FILIP1L: variants seen among roughly 807,000 people sequenced by gnomAD.
The protein encoded by FILIP1L is filamin A-interacting protein 1-like.
In FILIP1L, 55 loss-of-function variants were observed where a neutral mutation model predicts 96.6. The observed-to-expected ratio is 0.57, with a 90% CI of 0.46 to 0.71. FILIP1L has a LOEUF of 0.71. FILIP1L is among the 30% of genes least tolerant of loss of function. The pLI is 0.00. For synonymous variants in FILIP1L, 467 were observed against 473.9 expected (o/e 0.99, Z 0.19); for missense variants, 1,304 against 1,321.2 (o/e 0.99, Z 0.20).
chr3:99,831,024 A>G (rs1942653250), intron 5 of FILIP1L, among the ~76,000 whole-genome samples: 1 of 152,166 alleles, frequency 6.6e-6, no homozygotes, highest in South Asian at 2.1e-4. Flanking sequence ...TTTTCACAGT[A>G]TGAGTGAGAT....
chr3:100,015,157 T>C (rs2130370), intron 1 of FILIP1L, among the ~76,000 whole-genome samples: 145,649 of 151,988 alleles, frequency 0.96, 69,832 homozygotes, highest in East Asian at 1. Context: ...GCTGTCCTTT[T>C]CCTATTTTGC....
At position 100,074,675 on chromosome 3, in the gene FILIP1L, A is replaced by ATTTTTTTTTTTTTTTTTT. The variant is rs555819875; in HGVS notation, c.-11+39360_-11+39377dup. 5.1e-3 allele frequency among the ~76,000 whole-genome samples: 177 copies of ATTTTTTTTTTTTTTTTTT among 34,802 alleles called. 67 individuals carry two copies. Among genetic ancestry groups the ATTTTTTTTTTTTTTTTTT allele is most frequent in the East Asian group, 0.013 (12 of 942 alleles). The allele number at this position is 34,802 out of a possible 152,430, so 22.8% of individuals were successfully genotyped here. On this transcript the variant is annotated intron_variant, in intron 1 of 5. Transcript: ENST00000477258. The stretch of plus-strand genomic sequence containing the variant: ...ATTTTCTATGCATGTGCAACATTTG[A>ATTTTTTTTTTTTTTTTTT]TTTTTTTTTTTTTTTTTTTTTTTTT...
chr3:99,899,533 TG>T (rs1011721644), intron 4 of FILIP1L, among the ~76,000 whole-genome samples: 3 of 152,230 alleles, frequency 2.0e-5, no homozygotes, highest in African/African-American at 7.2e-5. Flanking sequence ...GAGATCTAAA[TG>T]GTAGCTGTTG....
chr3:99,948,430 C>A (rs1250421380), intron 1 of FILIP1L, among the ~76,000 whole-genome samples: 1 of 150,402 alleles, frequency 6.6e-6, no homozygotes, highest in Non-Finnish European at 1.5e-5. Flanking sequence ...CCCATCTACT[C>A]GTGAGGCTGA....
At chr3:100,112,056 T>C (rs1426262683) in intron 1 of FILIP1L, among the ~76,000 whole-genome samples, 11 of 152,278 alleles carry the variant, frequency 7.2e-5, no homozygotes, top group Non-Finnish European at 1.5e-5. Flanking sequence ...CATTCTAAAA[T>C]AGTTGATGAA....
chr3:99,880,191 C>G (rs986365560), intron 4 of FILIP1L, among the ~76,000 whole-genome samples: 4 of 152,158 alleles, frequency 2.6e-5, no homozygotes, highest in African/African-American at 9.7e-5. Flanking sequence ...TCTCCATGCC[C>G]TAGACAATCA....
chr3:99,921,287 C>T (rs1707116166), intron 4 of FILIP1L, among the ~76,000 whole-genome samples: 1 of 152,126 alleles, frequency 6.6e-6, no homozygotes, highest in Non-Finnish European at 1.5e-5. Context: ...CGTTTATTTA[C>T]CTGAAGTCAT....
Position 99,850,985 on chromosome 3 carries a change from C to T in FILIP1L, c.691G>A (p.Glu231Lys), listed in dbSNP as rs914407108. Reference protein sequence around the residue: ...KEKRVTTLKEELTKLKSFALM... With the variant: ...KEKRVTTLKEKLTKLKSFALM... ...GCAAAAGACTTCAGCTTGGTCAGCT[C>T]CTCTTTCAGGGTGGTGACCCTTTTC... Residue 231 changes from glutamate (E) to lysine (K), a missense_variant, in exon 5 of 6, where the codon GAG becomes AAG. Transcript: ENST00000477258. 3 of 1,614,112 alleles carry T rather than the reference C, an allele frequency of 1.9e-6. No individual in the cohort carries two copies. The highest frequency in any genetic ancestry group is 3.3e-5 in the Admixed American group (2 of 60,030).
intron 5 of FILIP1L, among the ~76,000 whole-genome samples, chr3:99,843,135 A>G (rs1163159804): frequency 2.0e-5 from 3 of 152,226 alleles, no homozygotes; most frequent in African/African-American, 7.2e-5. Context: ...TCACTGTGCC[A>G]TAAGTTGAAT....
At chr3:99,857,459 T>A (rs1944020812) in intron 4 of FILIP1L, among the ~76,000 whole-genome samples, 1 of 152,230 alleles carries the variant, frequency 6.6e-6, no homozygotes, top group Non-Finnish European at 1.5e-5. Flanking sequence ...TTATCAACTC[T>A]GCTAACAAAG....
intron 4 of FILIP1L, among the ~76,000 whole-genome samples, chr3:99,888,247 C>G (rs1005955378): frequency 3.3e-5 from 5 of 151,938 alleles, no homozygotes; most frequent in African/African-American, 7.3e-5. Context: ...TGTTGTGCAC[C>G]TGTTGCTACT....
chr3:99,883,756 G>A (rs1435390471), intron 4 of FILIP1L, among the ~76,000 whole-genome samples: 1 of 152,160 alleles, frequency 6.6e-6, no homozygotes, highest in African/African-American at 2.4e-5. Flanking sequence ...CACATTTAAT[G>A]TTTAATTGAT....
chr3:99,948,843 G>A (rs1708094388), intron 1 of FILIP1L, among the ~76,000 whole-genome samples: 1 of 152,144 alleles, frequency 6.6e-6, no homozygotes, highest in Non-Finnish European at 1.5e-5. Context: ...AGGGTTGGAA[G>A]GATCTGGAGA....
chr3:99,963,632 G>A (rs940050352), intron 1 of FILIP1L, among the ~76,000 whole-genome samples: 2 of 150,630 alleles, frequency 1.3e-5, no homozygotes, highest in African/African-American at 4.9e-5. Flanking sequence ...TTTTTTTTTA[G>A]ACGGAGTGTC....
At chr3:100,006,498 C>A (rs993228737) in intron 1 of FILIP1L, among the ~76,000 whole-genome samples, 3 of 152,068 alleles carry the variant, frequency 2.0e-5, no homozygotes, top group Non-Finnish European at 2.9e-5. Context: ...TTTTCTGCCC[C>A]AAAGTCTCCT....
intron 1 of FILIP1L, among the ~76,000 whole-genome samples, chr3:99,942,156 C>T (rs896635970): frequency 1.3e-4 from 20 of 151,046 alleles, no homozygotes; most frequent in African/African-American, 3.7e-4. Flanking sequence ...GAGCCGAGAT[C>T]GTGCCACTGC....
intron 4 of FILIP1L, among the ~76,000 whole-genome samples, chr3:99,893,661 T>C (rs1253589202): frequency 6.6e-6 from 1 of 152,212 alleles, no homozygotes; most frequent in African/African-American, 2.4e-5. Flanking sequence ...CTAATTCCTT[T>C]AAAGTTAGCT....
chr3:100,095,817 C>G (rs1559755982), intron 1 of FILIP1L, among the ~76,000 whole-genome samples: 1 of 152,054 alleles, frequency 6.6e-6, no homozygotes, highest in Non-Finnish European at 1.5e-5. Flanking sequence ...AGGAAACAAT[C>G]AACAAAGTGA....
chr3:99,843,718 G>A (rs1943234854), intron 5 of FILIP1L, among the ~76,000 whole-genome samples: 1 of 152,258 alleles, frequency 6.6e-6, no homozygotes, highest in African/African-American at 2.4e-5. Flanking sequence ...ACAGCACACT[G>A]TAGAGCAGGG....
Sources: gnomAD v4.1 joint callset for allele counts (sites outside exome capture counted in the v4.1 genomes callset) on GRCh38, gnomAD v4.1.1 for gene constraint, MANE v1.5 for transcripts, NCBI Gene and HGNC (gene_info 2026-07-23, HGNC 2026-07-21) for gene names.